Variants in DIP2C observed in about 807,000 individuals in gnomAD.
DIP2C encodes the protein disco-interacting protein 2 homolog C.
DIP2C carries 33 observed loss-of-function variants against 192.4 expected under a neutral mutation model. The ratio of observed to expected loss-of-function variants is 0.17; its 90% CI spans 0.13 to 0.23. The LOEUF (loss-of-function observed/expected upper bound fraction) is 0.23, where lower values mean the gene tolerates loss of function less well. Among genes scored for constraint, DIP2C ranks in the 10% least tolerant of loss-of-function variants. DIP2C has a pLI of 1.00. For synonymous variants in DIP2C, 979 were observed against 864.1 expected (o/e 1.13, Z -2.33); for missense variants, 1,537 against 2,110.1 (o/e 0.73, Z 5.32).
intron 1 of DIP2C, among the ~76,000 whole-genome samples, chr10:557,221 G>A (rs114284126): frequency 0.024 from 3,687 of 152,296 alleles, 149 homozygotes; most frequent in African/African-American, 0.084. Context: ...CCAGGCCTCC[G>A]CCAGCAGACA....
intron 1 of DIP2C, among the ~76,000 whole-genome samples, chr10:611,725 A>G (rs1050603164): frequency 4.6e-5 from 7 of 152,224 alleles, no homozygotes; most frequent in Non-Finnish European, 1.0e-4. Flanking sequence ...GCACACACGT[A>G]GGAAAGCAGT....
At chr10:587,765 G>C (rs1353324736) in intron 1 of DIP2C, among the ~76,000 whole-genome samples, 3 of 77,300 alleles carry the variant, frequency 3.9e-5, no homozygotes, top group Middle Eastern at 8.1e-3. Context: ...CCCTGACCCT[G>C]CGGAAACCCC....
In DIP2C at chr10:495,840, G is replaced by A. The variant is rs148271804; in HGVS notation, c.86-9310C>T. 4.6e-3 allele frequency among the ~76,000 whole-genome samples: 697 copies of A among 151,516 alleles called. 8 individuals are homozygous for A. The highest frequency in any genetic ancestry group is 0.016 in the African/African-American group (654 of 41,242). On this transcript the variant is annotated intron_variant, in intron 1 of 36. Transcript: ENST00000280886. Reference sequence around the variant, plus strand: ...TTACTCTCAATACCCCAAAGAACATGAGTGCTGAGTACACAGAACCCATGG... The same window carrying A: ...TTACTCTCAATACCCCAAAGAACATAAGTGCTGAGTACACAGAACCCATGG...
chr10:617,842 T>G (rs1442311111), intron 1 of DIP2C, among the ~76,000 whole-genome samples: 3 of 152,206 alleles, frequency 2.0e-5, no homozygotes, highest in Non-Finnish European at 4.4e-5. Flanking sequence ...CCCAGGTGTC[T>G]GGGAGGCTCA....
intron 1 of DIP2C, among the ~76,000 whole-genome samples, chr10:520,627 T>TGCC (rs1846642236): frequency 6.6e-6 from 1 of 152,212 alleles, no homozygotes; most frequent in African/African-American, 2.4e-5. Context: ...CTCCCTGCTC[T>TGCC]GCCTGCAGCT....
chr10:567,159 G>A (rs1194997324), intron 1 of DIP2C, among the ~76,000 whole-genome samples: 1 of 151,848 alleles, frequency 6.6e-6, no homozygotes, highest in Non-Finnish European at 1.5e-5. Context: ...GGCGGAAGGA[G>A]GACAGGCACC....
chr10:609,978 GAAC>G (rs1274608345), intron 1 of DIP2C, among the ~76,000 whole-genome samples: 2 of 152,062 alleles, frequency 1.3e-5, no homozygotes, highest in Non-Finnish European at 2.9e-5. Context: ...GGCTGCTTGA[GAAC>G]ATCAAAGTGG....
At position 336,195 on chromosome 10, in the gene DIP2C, G is replaced by A. The variant is rs560389678; in HGVS notation, c.3584+5004C>T. Among the ~76,000 whole-genome samples the A allele has an allele frequency of 1.7e-4, 26 of 152,282 alleles. No individual in the cohort carries two copies. In the South Asian group the frequency reaches 2.7e-3, roughly 16 times the overall value. On this transcript the variant is annotated intron_variant, in intron 29 of 36. Coordinates refer to ENST00000280886, the MANE Select transcript of DIP2C (RefSeq NM_014974.3). ...ACCAGCCTGGGCAACATGGCAAGAC[G>A]CCATCTCTAAAAAAAAATTTAAAAA...
intron 1 of DIP2C, among the ~76,000 whole-genome samples, chr10:542,305 G>C (rs56670438): frequency 6.6e-6 from 1 of 152,230 alleles, no homozygotes; most frequent in African/African-American, 2.4e-5. Context: ...GCAGTGCCCA[G>C]AACGTCATGT....
chr10:344,527 G>A (rs569902829), intron 28 of DIP2C, among the ~76,000 whole-genome samples: 6 of 152,278 alleles, frequency 3.9e-5, no homozygotes, highest in Middle Eastern at 3.4e-3. Flanking sequence ...CAGAGCGTTC[G>A]GATTTGAGAA....
At chr10:366,511 G>A in intron 18 of DIP2C, 100 bp from the exon 19 acceptor site, 1 of 1,530,078 alleles carries the variant, frequency 6.5e-7, no homozygotes, top group South Asian at 1.2e-5. Context: ...CAGTGAACAG[G>A]AATGGGGTCT....
At chr10:369,887 T>C in intron 17 of DIP2C, 1 of 1,369,108 alleles carries the variant, frequency 7.3e-7, no homozygotes, top group Non-Finnish European at 9.6e-7. Flanking sequence ...CCAACGCAGC[T>C]CCTCTCCTGC....
intron 1 of DIP2C, among the ~76,000 whole-genome samples, chr10:551,416 C>G (rs1360527525): frequency 6.6e-6 from 1 of 152,208 alleles, no homozygotes; most frequent in Non-Finnish European, 1.5e-5. Context: ...GGAAGGGGTC[C>G]AGGCTGCAGG....
chr10:587,179 G>C (rs1851107123), intron 1 of DIP2C, among the ~76,000 whole-genome samples: 1 of 151,626 alleles, frequency 6.6e-6, no homozygotes, highest in African/African-American at 2.4e-5. Context: ...AGTGTGGCGA[G>C]GGGCAAACAG....
At chr10:579,438 A>G (rs1377279977) in intron 1 of DIP2C, among the ~76,000 whole-genome samples, 2 of 150,606 alleles carry the variant, frequency 1.3e-5, no homozygotes, top group Non-Finnish European at 2.9e-5. Context: ...GTACACTATA[A>G]CACATGTGTA....
intron 1 of DIP2C, among the ~76,000 whole-genome samples, chr10:607,137 C>T (rs1852550915): frequency 6.6e-6 from 1 of 152,188 alleles, no homozygotes; most frequent in Non-Finnish European, 1.5e-5. Flanking sequence ...AGGAGGATGG[C>T]CCTGAAGTCC....
intron 4 of DIP2C, among the ~76,000 whole-genome samples, chr10:436,950 C>A (rs1261638399): frequency 6.8e-6 from 1 of 147,284 alleles, no homozygotes; most frequent in African/African-American, 2.5e-5. Flanking sequence ...ATGCTCCACC[C>A]ACACCTGAGC....
chr10:424,355 G>GTTTTT (rs557255878), intron 4 of DIP2C, among the ~76,000 whole-genome samples: 7 of 83,110 alleles, frequency 8.4e-5, no homozygotes, highest in African/African-American at 1.8e-4. Flanking sequence ...ATCACCTTGG[G>GTTTTT]TTTTTTTTTT....
intron 1 of DIP2C, among the ~76,000 whole-genome samples, chr10:596,210 T>TA (rs1412047735): frequency 6.6e-6 from 1 of 152,110 alleles, no homozygotes; most frequent in Non-Finnish European, 1.5e-5. Flanking sequence ...TTATAAATGA[T>TA]AAAAAATGAT....
Sources: allele counts gnomAD v4.1 joint callset (sites outside exome capture counted in the v4.1 genomes callset), GRCh38; gene constraint gnomAD v4.1.1; transcripts MANE v1.5; gene names NCBI Gene and HGNC (gene_info 2026-07-23, HGNC 2026-07-21).